Variants in BMP5 observed in about 807,000 individuals in gnomAD.
The protein encoded by BMP5 is bone morphogenetic protein 5.
BMP5 carries 23 observed loss-of-function variants against 46.6 expected under a neutral mutation model. That is an observed-to-expected ratio of 0.49 (90% CI 0.35 to 0.70). The LOEUF is 0.70. Among genes scored for constraint, BMP5 ranks in the 30% least tolerant of loss-of-function variants. The pLI is 0.00. For synonymous variants in BMP5, 204 were observed against 191.9 expected, an observed-to-expected ratio of 1.06 and a Z score of -0.52; for missense variants, 545 against 565.6, an observed-to-expected ratio of 0.96 and a Z score of 0.37.
intron 1 of BMP5, among the ~76,000 whole-genome samples, chr6:55,861,459 C>A (rs1777524994): frequency 6.6e-6 from 1 of 152,200 alleles, no homozygotes; most frequent in Admixed American, 6.5e-5. Flanking sequence ...AAATGTTAAT[C>A]TTGTTTATGC....
chr6:55,755,647 A>G lies in BMP5; in HGVS notation c.1251T>C (p.Pro417=), dbSNP rs774999838. Residue 417 remains proline (P), a synonymous_variant, in exon 7 of 7, where the codon CCT becomes CCC. Coordinates refer to ENST00000370830, the MANE Select transcript of BMP5 (RefSeq NM_021073.4). ...CATTTAATTTGGTTGGAGCACAACA[A>G]GGCTTTGGTACGTGGTCAGGAAACA... The part of the protein sequence containing the change: ...HLMFPDHVPK[P]CCAPTKLNAI... 5.6e-6 allele frequency: 9 copies of G among 1,612,410 alleles called. No homozygotes were observed. In the African/African-American group the frequency reaches 1.1e-4, roughly 19 times the overall value.
intron 1 of BMP5, among the ~76,000 whole-genome samples, chr6:55,850,392 AGATC>A (rs34694568): frequency 0.19 from 27,583 of 142,220 alleles, 2,668 homozygotes; most frequent in Middle Eastern, 0.23. Context: ...ATAGATAGAT[AGATC>A]GATAGATATA....
intron 2 of BMP5, among the ~76,000 whole-genome samples, chr6:55,808,025 T>TG (rs771345900): frequency 1.3e-5 from 2 of 152,050 alleles, no homozygotes; most frequent in Admixed American, 6.5e-5. Context: ...TGTACTTCAG[T>TG]GGGGGGAGAA....
Position 55,755,404 on chromosome 6 carries a change from T to G in BMP5, c.*129A>C. ...AAAAATGACTATATACATGATATTG[T>G]ACATAGGAAAAGAGTCAAAATGAGC... is the stretch of plus-strand genomic sequence containing the variant. On this transcript the variant is annotated 3_prime_UTR_variant, in exon 7 of 7. Transcript: ENST00000370830. 1 of 827,832 alleles carries G rather than the reference T, an allele frequency of 1.2e-6. No homozygotes were observed. The highest frequency in any genetic ancestry group is 2.7e-5 in the East Asian group (1 of 37,374). The allele number at this position is 827,832 out of a possible 1,614,324, so 51.3% of individuals were successfully genotyped here. A position where few individuals can be genotyped will look rare whatever the true frequency, so the allele number is the denominator to read the frequency against.
intron 3 of BMP5, among the ~76,000 whole-genome samples, chr6:55,786,936 C>T (rs1019557719): frequency 1.3e-5 from 2 of 151,568 alleles, no homozygotes; most frequent in Non-Finnish European, 3.0e-5. Flanking sequence ...GAAATATTAT[C>T]AAATCTTAGA....
intron 4 of BMP5, among the ~76,000 whole-genome samples, chr6:55,773,729 C>A (rs1775101134): frequency 6.6e-6 from 1 of 151,840 alleles, no homozygotes; most frequent in South Asian, 2.1e-4. Flanking sequence ...TTGAAAGGCC[C>A]TGAGGAAGTT....
chr6:55,786,335 G>A lies in BMP5; in HGVS notation c.832+7944C>T, dbSNP rs149912432. Reference sequence around the variant, plus strand: ...TGATGCAGCAAGGTTGTAAGTGACTGTAGAAATTACCTGAAAATTTACATT... The same window carrying A: ...TGATGCAGCAAGGTTGTAAGTGACTATAGAAATTACCTGAAAATTTACATT... On this transcript the variant is annotated intron_variant, in intron 3 of 6. Coordinates refer to ENST00000370830, the MANE Select transcript of BMP5 (RefSeq NM_021073.4). Among the ~76,000 whole-genome samples the A allele has an allele frequency of 1.6e-3, 250 of 151,796 alleles. 1 individual carries two copies. Among genetic ancestry groups the A allele is most frequent in the African/African-American group, 5.7e-3 (237 of 41,518 alleles).
intron 1 of BMP5, among the ~76,000 whole-genome samples, chr6:55,863,344 T>C (rs1040147579): frequency 2.0e-5 from 3 of 152,204 alleles, no homozygotes; most frequent in African/African-American, 7.2e-5. Context: ...CAAAGAATAA[T>C]GGTGAAGAAT....
chr6:55,759,180 A>AAAAAAAAAAAAAAAAAAAC, intron 5 of BMP5, 65 bp from the exon 6 acceptor site: 2 of 789,868 alleles, frequency 2.5e-6, no homozygotes, highest in East Asian at 6.7e-5. Context: ...AAAAAAAAAA[A>AAAAAAAAAAAAAAAAAAAC]AAACAACAAG....
intron 3 of BMP5, among the ~76,000 whole-genome samples, chr6:55,786,064 C>T (rs1443627719): frequency 2.6e-5 from 4 of 151,734 alleles, no homozygotes; most frequent in African/African-American, 9.7e-5. Flanking sequence ...TCCATGTCTA[C>T]ACACCCATGC....
intron 1 of BMP5, among the ~76,000 whole-genome samples, chr6:55,836,536 T>C (rs1776796441): frequency 6.6e-6 from 1 of 152,052 alleles, no homozygotes; most frequent in African/African-American, 2.4e-5. Flanking sequence ...TTTTGTCTAC[T>C]GACTTTGTAG....
At chr6:55,817,276 T>A (rs1776296387) in intron 2 of BMP5, among the ~76,000 whole-genome samples, 1 of 152,228 alleles carries the variant, frequency 6.6e-6, no homozygotes, top group African/African-American at 2.4e-5. Flanking sequence ...TTATAAATCA[T>A]GCTGCTATAA....
intron 3 of BMP5, among the ~76,000 whole-genome samples, chr6:55,789,343 T>C (rs377107786): frequency 6.9e-4 from 105 of 152,120 alleles, no homozygotes; most frequent in Admixed American, 9.8e-4. Flanking sequence ...TTTCAATCTC[T>C]AAATTATTCT....
At chr6:55,831,646 A>T (rs1006210858) in intron 1 of BMP5, among the ~76,000 whole-genome samples, 11 of 143,796 alleles carry the variant, frequency 7.6e-5, no homozygotes, top group Non-Finnish European at 1.4e-4. Flanking sequence ...TTTAAAAAAT[A>T]AAAAAAAAAT....
At chr6:55,784,382 A>G (rs2127525310) in intron 3 of BMP5, among the ~76,000 whole-genome samples, 1 of 152,038 alleles carries the variant, frequency 6.6e-6, no homozygotes, top group South Asian at 2.1e-4. Context: ...TGTACATGAT[A>G]AAACAGCAAA....
chr6:55,814,542 G>C (rs746298497), intron 2 of BMP5, among the ~76,000 whole-genome samples: 2 of 152,008 alleles, frequency 1.3e-5, no homozygotes, highest in Non-Finnish European at 2.9e-5. Context: ...TCAAGTCTAT[G>C]CTCTTATGGC....
intron 1 of BMP5, among the ~76,000 whole-genome samples, chr6:55,820,308 C>G (rs1481528297): frequency 6.6e-6 from 1 of 152,066 alleles, no homozygotes; most frequent in Admixed American, 6.6e-5. Flanking sequence ...TATGGCCTTT[C>G]AAAGTTCAAG....
At position 55,754,183 on chromosome 6, in the gene BMP5, A is replaced by G. The variant is rs1253204129; in HGVS notation, c.*1350T>C. Reference sequence around the variant, plus strand: ...TAACGGTAAATAAGCCTAACCACAGAGTCACCATAAATAGCAAGTTATCAA... The same window carrying G: ...TAACGGTAAATAAGCCTAACCACAGGGTCACCATAAATAGCAAGTTATCAA... On this transcript the variant is annotated 3_prime_UTR_variant, in exon 7 of 7. Coordinates refer to ENST00000370830, the MANE Select transcript of BMP5 (RefSeq NM_021073.4). 6.6e-6 allele frequency: 1 copy of G among 151,998 alleles called. No individual in the cohort carries two copies. The highest frequency in any genetic ancestry group is 1.5e-5 in the Non-Finnish European group (1 of 67,948). 9.4% of individuals were successfully genotyped at this position (151,998 alleles called of 1,614,324 possible). A position where few individuals can be genotyped will look rare whatever the true frequency, so the allele number is the denominator to read the frequency against.
At chr6:55,759,142 CACAAAAAA>C (rs1774691980) in intron 5 of BMP5, 27 bp from the exon 6 acceptor site, 5 of 119,558 alleles carry the variant, frequency 4.2e-5, no homozygotes, top group Admixed American at 1.8e-4. Context: ...CACACACACA[CACAAAAAA>C]AAAAAAAAAA....
Sources: gnomAD v4.1 joint callset for allele counts (sites outside exome capture counted in the v4.1 genomes callset) on GRCh38, gnomAD v4.1.1 for gene constraint, MANE v1.5 for transcripts, NCBI Gene and HGNC (gene_info 2026-07-23, HGNC 2026-07-21) for gene names.